MEP1B: variants seen among roughly 807,000 people sequenced by gnomAD.
MEP1B encodes meprin A subunit beta, also known as N-benzoyl-L-tyrosyl-P-amino-benzoic acid hydrolase subunit beta.
In MEP1B, 80 loss-of-function variants were observed where a neutral mutation model predicts 84.6. The observed-to-expected ratio is 0.95, with a 90% CI of 0.79 to 1.14. The LOEUF (loss-of-function observed/expected upper bound fraction) is 1.14, where lower values mean the gene tolerates loss of function less well. Among genes scored for constraint, MEP1B ranks in the 50% most tolerant of loss-of-function variants. MEP1B has a pLI of 0.00. For synonymous variants in MEP1B, 273 were observed against 288.1 expected, an observed-to-expected ratio of 0.95 and a Z score of 0.53; for missense variants, 766 against 855.1, an observed-to-expected ratio of 0.90 and a Z score of 1.30.
In MEP1B at chr18:32,196,264, G is replaced by A; in HGVS notation, c.250+779G>A. ...GCCTTTGAACTGCTCCAAGACGCTGGCCATGCTGGGGGCTGTGAAGTTGAG... is the reference window on the plus strand; with the variant it reads ...GCCTTTGAACTGCTCCAAGACGCTGACCATGCTGGGGGCTGTGAAGTTGAG... On this transcript the variant is annotated intron_variant, in intron 5 of 14. Transcript: ENST00000269202. This position sits in a 1 kb window ranked among gnomAD's most constrained non-coding sequence, Gnocchi z 4.4. 1.4e-6 allele frequency: 1 copy of A among 707,130 alleles called. No individual in the cohort carries two copies. The allele number at this position is 707,130 out of a possible 1,614,324, so 43.8% of individuals were successfully genotyped here. A position where few individuals can be genotyped will look rare whatever the true frequency, so the allele number is the denominator to read the frequency against.
At chr18:32,202,706 A>G (rs1184348303) in intron 5 of MEP1B, among the ~76,000 whole-genome samples, 187 bp from the exon 6 acceptor site, 4 of 152,224 alleles carry the variant, frequency 2.6e-5, no homozygotes, top group Admixed American at 6.5e-5. Flanking sequence ...GGATCTGAAG[A>G]ATAAGCAGAT....
intron 14 of MEP1B, 24 bp from the exon 15 acceptor site, chr18:32,220,207 A>G (rs2041136473): frequency 6.3e-7 from 1 of 1,594,464 alleles, no homozygotes; most frequent in East Asian, 2.2e-5. Flanking sequence ...AAATTAAATC[A>G]TCAATTGTTC....
chr18:32,192,595 C>T, intron 2 of MEP1B, 51 bp from the exon 3 acceptor site: 1 of 1,549,760 alleles, frequency 6.5e-7, no homozygotes, highest in South Asian at 1.1e-5. Context: ...AAGGTTTTCT[C>T]CTTTTATAAA....
intron 5 of MEP1B, among the ~76,000 whole-genome samples, chr18:32,197,399 A>ATTTT (rs1364818767): frequency 2.9e-5 from 3 of 104,510 alleles, no homozygotes; most frequent in African/African-American, 1.0e-4. Context: ...TTTATTTTTC[A>ATTTT]TTTTTGTTTT....
rs1252174444 is a variant in MEP1B at position 32,190,105 on chromosome 18, T to G, written c.35T>G (p.Leu12Trp). 5.0e-6 allele frequency: 8 copies of G among 1,613,494 alleles called. No individual in the cohort carries two copies. Among genetic ancestry groups the G allele is most frequent in the Non-Finnish European group, 6.8e-6 (8 of 1,179,698 alleles). Residue 12 changes from leucine to tryptophan, a missense_variant, in exon 1 of 15, where the codon TTG becomes TGG. Physicochemically the swap from Leu to Trp is moderately conservative, Grantham distance 61 (BLOSUM62 -2). Coordinates refer to ENST00000269202, the MANE Select transcript of MEP1B (RefSeq NM_005925.3). ...TGGAATCTGTCTTGGTTTCTGTTCT[T>G]GGATGCTCTTCTCGTGATTTCTGGC... is the stretch of plus-strand genomic sequence containing the variant. ...DLWNLSWFLF[L>W]DALLVISGLA...
intron 4 of MEP1B, among the ~76,000 whole-genome samples, chr18:32,194,856 C>T (rs1029927134): frequency 6.6e-6 from 1 of 151,988 alleles, no homozygotes; most frequent in Non-Finnish European, 1.5e-5. Flanking sequence ...TTTCTGTCCT[C>T]CACTAGATAT....
At chr18:32,200,336 G>A (rs1410893186) in intron 5 of MEP1B, among the ~76,000 whole-genome samples, 1 of 151,786 alleles carries the variant, frequency 6.6e-6, no homozygotes, top group Non-Finnish European at 1.5e-5. Flanking sequence ...TAATGTTATT[G>A]CATTTTTTCA....
intron 4 of MEP1B, among the ~76,000 whole-genome samples, chr18:32,193,545 G>A (rs2040823293): frequency 6.6e-6 from 1 of 152,126 alleles, no homozygotes; most frequent in Non-Finnish European, 1.5e-5. Context: ...GTTTAGGAAT[G>A]TGTTTAGAAC....
chr18:32,190,283 G>A, intron 1 of MEP1B, 150 bp downstream of exon 1: 1 of 638,652 alleles, frequency 1.6e-6, no homozygotes, highest in Non-Finnish European at 2.7e-6. Context: ...TTAGGGGTGG[G>A]CAGTGTGTAG....
In MEP1B at chr18:32,206,249, G is replaced by A. The variant is rs1436904076; in HGVS notation, c.548-1003G>A. ...CCTATTCCAGTAACCATGAATTATGGTTAGTCAATAACTGCATGTCAATGC... is the reference window on the plus strand; with the variant it reads ...CCTATTCCAGTAACCATGAATTATGATTAGTCAATAACTGCATGTCAATGC... On this transcript the variant is annotated intron_variant, in intron 7 of 14. Coordinates refer to ENST00000269202, the MANE Select transcript of MEP1B (RefSeq NM_005925.3). Among the ~76,000 whole-genome samples the A allele has an allele frequency of 2.0e-5, 3 of 152,062 alleles. No homozygotes were observed. The East Asian group carries it at 5.8e-4, about 29-fold the overall frequency.
chr18:32,190,046 G>C lies in MEP1B; in HGVS notation c.-25G>C, dbSNP rs1471540673. On this transcript the variant is annotated 5_prime_UTR_variant, in exon 1 of 15. Transcript: ENST00000269202. ...AATTCAACCCTGAATGTCATAGTTA[G>C]CTACTTTCAACTGGAAGCTACAACA... 1 of 1,599,240 alleles carries C rather than the reference G, an allele frequency of 6.3e-7. No homozygotes were observed. Among genetic ancestry groups the C allele is most frequent in the African/African-American group, 1.3e-5 (1 of 74,608 alleles).
intron 12 of MEP1B, among the ~76,000 whole-genome samples, chr18:32,215,637 A>G (rs1212157825): frequency 6.6e-6 from 1 of 152,156 alleles, no homozygotes; most frequent in African/African-American, 2.4e-5. Flanking sequence ...ATCCTGGCTA[A>G]CACGGTGAAA....
At chr18:32,192,372 T>C (rs1234514035) in intron 2 of MEP1B, among the ~76,000 whole-genome samples, 4 of 152,238 alleles carry the variant, frequency 2.6e-5, no homozygotes, top group Middle Eastern at 3.4e-3. Flanking sequence ...TGCTTAATAA[T>C]ATATGGAGCA....
In MEP1B at chr18:32,217,842, T is replaced by C. The variant is rs2041108758; in HGVS notation, c.1968T>C (p.Ala656=). ...RGSTRDTIVI[A]VSSTVAVFAL... ...CCACCCGAGACACCATAGTCATTGCTGTTTCATCTACTGTTGCTGTGTTTG... is the reference window on the plus strand; with the variant it reads ...CCACCCGAGACACCATAGTCATTGCCGTTTCATCTACTGTTGCTGTGTTTG... The change falls in exon 14 of 15, where the codon GCT becomes GCC. Residue 656 remains alanine, a synonymous_variant. Coordinates refer to ENST00000269202, the MANE Select transcript of MEP1B (RefSeq NM_005925.3). 3.1e-6 allele frequency: 5 copies of C among 1,613,828 alleles called. No homozygotes were observed. Among genetic ancestry groups the C allele is most frequent in the Non-Finnish European group, 4.2e-6 (5 of 1,179,836 alleles).
chr18:32,216,212 T>G (rs1437000153), intron 12 of MEP1B, among the ~76,000 whole-genome samples: 1 of 152,040 alleles, frequency 6.6e-6, no homozygotes, highest in Non-Finnish European at 1.5e-5. Flanking sequence ...GGTGGTGCAA[T>G]TAAAACCCAC....
chr18:32,201,375 C>T (rs867488311), intron 5 of MEP1B, among the ~76,000 whole-genome samples: 3 of 151,540 alleles, frequency 2.0e-5, no homozygotes, highest in Non-Finnish European at 2.9e-5. Flanking sequence ...CCCATCTCAG[C>T]GTCCTCGGAT....
At chr18:32,194,652 T>G (rs2040834614) in intron 4 of MEP1B, among the ~76,000 whole-genome samples, 1 of 152,066 alleles carries the variant, frequency 6.6e-6, no homozygotes, top group African/African-American at 2.4e-5. Flanking sequence ...GAAACCACCT[T>G]CCCAGGACCC....
At chr18:32,202,674 G>A (rs933133386) in intron 5 of MEP1B, among the ~76,000 whole-genome samples, 1 of 152,200 alleles carries the variant, frequency 6.6e-6, no homozygotes. Context: ...GTGAGTGCTA[G>A]AGAAATATAA....
In MEP1B at chr18:32,198,764, G is replaced by A. The variant is rs112596401; in HGVS notation, c.250+3279G>A. On this transcript the variant is annotated intron_variant, in intron 5 of 14. Transcript: ENST00000269202. ...ACCAAAAGTATTATTGTGGAAGTGA[G>A]ATTGTTAAAATTGCAGTTTAAAATA... is the stretch of plus-strand genomic sequence containing the variant. Among the ~76,000 whole-genome samples, 4 of 152,272 alleles carry A rather than the reference G, an allele frequency of 2.6e-5. 1 individual carries two copies. Among genetic ancestry groups the A allele is most frequent in the African/African-American group, 9.6e-5 (4 of 41,574 alleles).
Sources: allele counts gnomAD v4.1 joint callset (sites outside exome capture counted in the v4.1 genomes callset), GRCh38; gene constraint gnomAD v4.1.1; non-coding constraint Gnocchi (gnomAD v3.1); transcripts MANE v1.5; gene names NCBI Gene and HGNC (gene_info 2026-07-23, HGNC 2026-07-21).